OLFML2A: variants seen among roughly 807,000 people sequenced by gnomAD.
OLFML2A encodes the protein olfactomedin-like protein 2A.
A neutral mutation model predicts 60.9 loss-of-function variants in OLFML2A; 47 were observed. That is an observed-to-expected ratio of 0.77 (90% CI 0.61 to 0.98). The LOEUF (loss-of-function observed/expected upper bound fraction) is 0.98, where lower values mean the gene tolerates loss of function less well. Among genes scored for constraint, OLFML2A ranks in the 50% least tolerant of loss-of-function variants. The pLI is 0.00. For synonymous variants in OLFML2A, 372 were observed against 375.0 expected, an observed-to-expected ratio of 0.99 and a Z score of 0.09; for missense variants, 922 against 879.8, an observed-to-expected ratio of 1.05 and a Z score of -0.61.
At position 124,811,414 on chromosome 9, in the gene OLFML2A, C is replaced by T. The variant is rs1218488241; in HGVS notation, c.*1002C>T. ...ACAACCTTTACACACTCAGGGATACCTCCGGGTCTGCCATGAATAAGACCC... is the reference window on the plus strand; with the variant it reads ...ACAACCTTTACACACTCAGGGATACTTCCGGGTCTGCCATGAATAAGACCC... On this transcript the variant is annotated 3_prime_UTR_variant, in exon 8 of 8. Transcript: ENST00000373580. 6.5e-6 allele frequency: 1 copy of T among 152,770 alleles called. No individual in the cohort carries two copies. Among genetic ancestry groups the T allele is most frequent in the East Asian group, 1.9e-4 (1 of 5,194 alleles). 9.5% of individuals were successfully genotyped at this position (152,770 alleles called of 1,614,324 possible).
chr9:124,799,400 AG>A lies in OLFML2A; in HGVS notation c.580del (p.Glu194SerfsTer69). On this transcript the variant is annotated frameshift_variant, in exon 4 of 8. Transcript: ENST00000373580. LOFTEE classifies it high-confidence loss of function. ...TCTGCCATCATGCTGGGCATCAAGA[AG>A]GAGCTGTCCCGCCTGGGCCTCCAGC... ...NHSAIMLGIK[K>X]ELSRLGLQLL... 6.2e-7 allele frequency: 1 copy of A among 1,613,918 alleles called. No homozygotes were observed. Among genetic ancestry groups the A allele is most frequent in the Non-Finnish European group, 8.5e-7 (1 of 1,179,992 alleles).
In OLFML2A at chr9:124,777,702, C is replaced by T. The variant is rs1466030294; in HGVS notation, c.90+342C>T. Among the ~76,000 whole-genome samples the T allele has an allele frequency of 6.6e-6, 1 of 152,146 alleles. No individual in the cohort carries two copies. The highest frequency in any genetic ancestry group is 6.5e-5 in the Admixed American group (1 of 15,290). On this transcript the variant is annotated intron_variant, in intron 1 of 7. Coordinates refer to ENST00000373580, the MANE Select transcript of OLFML2A (RefSeq NM_182487.4). The surrounding 1 kb of genome is among the most constrained non-coding windows in gnomAD (Gnocchi z 6.2). The stretch of plus-strand genomic sequence containing the variant: ...GAAGCTCCTGGCAACTGTTACCCAA[C>T]GACTCCCAGGCTTGCAGCAAGCCCT...
Position 124,777,235 on chromosome 9 carries a change from T to C in OLFML2A, c.-36T>C. ...TGCAGCCCGCGCTTCCCAGCGTCCG[T>C]GCCCGGCCGCCTGTGCCTACCGTGC... On this transcript the variant is annotated 5_prime_UTR_variant, in exon 1 of 8. Transcript: ENST00000373580. The surrounding 1 kb of genome is among the most constrained non-coding windows in gnomAD (Gnocchi z 6.2). The C allele has an allele frequency of 1.1e-6, 1 of 874,648 alleles. No individual in the cohort carries two copies. The highest frequency in any genetic ancestry group is 1.5e-6 in the Non-Finnish European group (1 of 666,840). The allele number at this position is 874,648 out of a possible 1,614,324, so 54.2% of individuals were successfully genotyped here.
At chr9:124,781,750 C>T (rs939851509) in intron 1 of OLFML2A, among the ~76,000 whole-genome samples, 3 of 151,012 alleles carry the variant, frequency 2.0e-5, no homozygotes, top group African/African-American at 4.9e-5. Context: ...GCCAAGATCG[C>T]GCCATTGCAC....
At chr9:124,796,942 T>A (rs1841680292) in intron 3 of OLFML2A, among the ~76,000 whole-genome samples, 1 of 152,240 alleles carries the variant, frequency 6.6e-6, no homozygotes, top group Non-Finnish European at 1.5e-5. Flanking sequence ...TCAATAGTGA[T>A]GAGGCTGAGA....
rs917908224 is a variant in OLFML2A at position 124,779,858 on chromosome 9, G to A, written c.90+2498G>A. Among the ~76,000 whole-genome samples the A allele has an allele frequency of 2.0e-5, 3 of 152,196 alleles. No individual in the cohort carries two copies. The highest frequency in any genetic ancestry group is 4.8e-5 in the African/African-American group (2 of 41,444). On this transcript the variant is annotated intron_variant, in intron 1 of 7. Coordinates refer to ENST00000373580, the MANE Select transcript of OLFML2A (RefSeq NM_182487.4). This position sits in a 1 kb window ranked among gnomAD's most constrained non-coding sequence, Gnocchi z 4.1. ...CCATTCCGTTTTCCCTGGGGTGGAG[G>A]ATGAGCCCTTCGGAGGGCCAGCCTG... is the stretch of plus-strand genomic sequence containing the variant.
At position 124,783,159 on chromosome 9, in the gene OLFML2A, G is replaced by A. The variant is rs530243243; in HGVS notation, c.91-3816G>A. 1.1e-4 allele frequency among the ~76,000 whole-genome samples: 16 copies of A among 151,726 alleles called. No individual in the cohort carries two copies. The South Asian group carries it at 2.9e-3, about 28-fold the overall frequency. ...CGCTCCCTGCCTCTTACTTTCCCCT[G>A]CCCCTCCGCAGGCTGCAGAAAAAGC... is the stretch of plus-strand genomic sequence containing the variant. On this transcript the variant is annotated intron_variant, in intron 1 of 7. Coordinates refer to ENST00000373580, the MANE Select transcript of OLFML2A (RefSeq NM_182487.4).
intron 5 of OLFML2A, 83 bp downstream of exon 5, chr9:124,801,746 C>T (rs1841783842): frequency 1.4e-6 from 2 of 1,426,012 alleles, no homozygotes; most frequent in Non-Finnish European, 1.9e-6. Context: ...GCAGTGGGAC[C>T]ACCCCAGATT....
At chr9:124,793,458 T>C (rs369556492) in intron 2 of OLFML2A, among the ~76,000 whole-genome samples, 1 of 152,252 alleles carries the variant, frequency 6.6e-6, no homozygotes, top group East Asian at 1.9e-4. Flanking sequence ...CGTCTGACCA[T>C]GACACAGGAG....
At chr9:124,791,908 C>T (rs1841575861) in intron 2 of OLFML2A, among the ~76,000 whole-genome samples, 1 of 152,128 alleles carries the variant, frequency 6.6e-6, no homozygotes, top group Non-Finnish European at 1.5e-5. Flanking sequence ...TCACAGGCTG[C>T]TATTAAGCAT....
intron 2 of OLFML2A, among the ~76,000 whole-genome samples, chr9:124,794,390 C>T (rs992191400): frequency 2.0e-5 from 3 of 152,200 alleles, no homozygotes; most frequent in African/African-American, 2.4e-5. Context: ...TCAGAAGATC[C>T]GGACAAACTC....
intron 4 of OLFML2A, among the ~76,000 whole-genome samples, chr9:124,800,541 T>C (rs1229327266): frequency 1.3e-5 from 2 of 152,246 alleles, no homozygotes; most frequent in African/African-American, 4.8e-5. Context: ...TCCTCTCTTC[T>C]TCTCCACATC....
At position 124,805,808 on chromosome 9, in the gene OLFML2A, G is replaced by GTTTTTTTTTTTTTTT. The variant is rs59555267; in HGVS notation, c.1168+1477_1168+1491dup. On this transcript the variant is annotated intron_variant, in intron 6 of 7. Coordinates refer to ENST00000373580, the MANE Select transcript of OLFML2A (RefSeq NM_182487.4). The stretch of plus-strand genomic sequence containing the variant: ...TGTTGTTGTTGTTTTGGTTTTTTTG[G>GTTTTTTTTTTTTTTT]TTTTTTTTTTTTTTTTTTTTTTTTT... Among the ~76,000 whole-genome samples, 11 of 71,264 alleles carry GTTTTTTTTTTTTTTT rather than the reference G, an allele frequency of 1.5e-4. 1 individual carries two copies. Among genetic ancestry groups the GTTTTTTTTTTTTTTT allele is most frequent in the Non-Finnish European group, 2.2e-4 (9 of 40,032 alleles). 46.8% of individuals were successfully genotyped at this position (71,264 alleles called of 152,430 possible).
rs746580461 is a variant in OLFML2A, at chr9:124,809,934, G to A, written c.1481G>A (p.Arg494His). The A allele has an allele frequency of 5.6e-6, 9 of 1,614,164 alleles. No individual in the cohort carries two copies. The highest frequency in any genetic ancestry group is 5.0e-5 in the Admixed American group (3 of 60,014). Residue 494 changes from arginine (R) to histidine (H), a missense_variant, in exon 8 of 8, where the codon CGC (arginine) becomes CAC (histidine). Arg to His is a conservative substitution (Grantham distance 29). Transcript: ENST00000373580. ...KNIIKYDLRQ[R>H]FVASWALLPD... ...ATCATCAAGTACGACCTACGGCAGC[G>A]CTTCGTGGCCTCCTGGGCGCTGCTG...
At chr9:124,784,004 G>T (rs534732407) in intron 1 of OLFML2A, among the ~76,000 whole-genome samples, 2 of 152,284 alleles carry the variant, frequency 1.3e-5, no homozygotes, top group South Asian at 4.1e-4. Flanking sequence ...GGAAAGATTG[G>T]GGGATAGGAG....
chr9:124,799,261 C>A (rs201018322), intron 3 of OLFML2A, 24 bp from the exon 4 acceptor site: 16 of 1,538,600 alleles, frequency 1.0e-5, no homozygotes, highest in Non-Finnish European at 1.3e-5. Flanking sequence ...CCAGGAAAGA[C>A]CTCCAATCCT....
At chr9:124,794,964 TCTG>T (rs1841638508) in intron 2 of OLFML2A, 57 bp from the exon 3 acceptor site, 1 of 1,025,714 alleles carries the variant, frequency 9.7e-7, no homozygotes, top group African/African-American at 1.6e-5. Context: ...CCTTTTACCC[TCTG>T]TGTCTGGCCG....
rs1038603302 is a variant in OLFML2A, at chr9:124,799,170, C to G, written c.463-115C>G. On this transcript the variant is annotated intron_variant, in intron 3 of 7. Coordinates refer to ENST00000373580, the MANE Select transcript of OLFML2A (RefSeq NM_182487.4). ...TCATGCTCACTGCGGCCGCCCCTAG[C>G]CCGTTCGGGGGACTGGGCAGCAAAG... is the stretch of plus-strand genomic sequence containing the variant. The G allele has an allele frequency of 4.1e-6, 3 of 729,078 alleles. No homozygotes were observed. The African/African-American group carries it at 5.2e-5, about 13-fold the overall frequency. The allele number at this position is 729,078 out of a possible 1,614,324, so 45.2% of individuals were successfully genotyped here.
chr9:124,808,019 G>C, intron 7 of OLFML2A, 53 bp downstream of exon 7: 1 of 1,360,676 alleles, frequency 7.3e-7, no homozygotes, highest in Non-Finnish European at 1.0e-6. Flanking sequence ...ACCTGGGGAG[G>C]GGTCCTCATG....
Sources: allele counts gnomAD v4.1 joint callset (sites outside exome capture counted in the v4.1 genomes callset), GRCh38; gene constraint gnomAD v4.1.1; non-coding constraint Gnocchi (gnomAD v3.1); transcripts MANE v1.5; gene names NCBI Gene and HGNC (gene_info 2026-07-23, HGNC 2026-07-21).